Variants in C12orf42 observed in about 807,000 individuals in gnomAD.
The protein encoded by C12orf42 is chromosome 12 open reading frame 42.
In C12orf42, 25 loss-of-function variants were observed where a neutral mutation model predicts 21.6. The ratio of observed to expected loss-of-function variants is 1.16; its 90% CI spans 0.84 to 1.62. C12orf42 has a LOEUF of 1.62. Among genes scored for constraint, C12orf42 ranks in the 40% most tolerant of loss-of-function variants. The pLI is 0.00. For synonymous variants in C12orf42, 174 were observed against 175.0 expected, an observed-to-expected ratio of 0.99 and a Z score of 0.05; for missense variants, 483 against 459.3, an observed-to-expected ratio of 1.05 and a Z score of -0.47.
the C12orf42 span, among the ~76,000 whole-genome samples, chr12:103,053,160 A>G: frequency 1.3e-5 from 2 of 152,032 alleles, no homozygotes; most frequent in South Asian, 4.1e-4. Context: ...TTTAAATTTT[A>G]TATTTAATTT....
At chr12:103,559,298 C>T in the C12orf42 span, 1 of 116,274 alleles carries the variant, frequency 8.6e-6, no homozygotes, top group African/African-American at 2.6e-5. Flanking sequence ...TAGCACTTTA[C>T]TCAGGCAGTC....
the C12orf42 span, among the ~76,000 whole-genome samples, chr12:103,099,182 AT>A: frequency 5.3e-5 from 8 of 152,242 alleles, no homozygotes; most frequent in Non-Finnish European, 1.2e-4. Flanking sequence ...TGACCTGGAT[AT>A]TAAATGCTCC....
chr12:103,096,286 G>A, the C12orf42 span, among the ~76,000 whole-genome samples: 2 of 152,132 alleles, frequency 1.3e-5, no homozygotes, highest in Admixed American at 6.5e-5. Flanking sequence ...AATAATCATG[G>A]CTTTATAAGA....
chr12:103,111,465 A>C, the C12orf42 span, among the ~76,000 whole-genome samples: 1 of 152,210 alleles, frequency 6.6e-6, no homozygotes, highest in Non-Finnish European at 1.5e-5. Context: ...CATTGATTCG[A>C]TGAATATTAG....
chr12:103,444,624 T>C (rs766380159), intron 2 of C12orf42, among the ~76,000 whole-genome samples: 24 of 152,078 alleles, frequency 1.6e-4, no homozygotes, highest in Non-Finnish European at 2.9e-4. Context: ...CTCATGTTTG[T>C]CTAATTGATT....
chr12:103,555,252 TCA>T, the C12orf42 span, among the ~76,000 whole-genome samples: 2 of 152,128 alleles, frequency 1.3e-5, no homozygotes, highest in African/African-American at 4.8e-5. Flanking sequence ...TGGGGAGGCC[TCA>T]CAATCATGGT....
At chr12:103,352,554 AAACAGG>A (rs2137490739) in intron 4 of C12orf42, among the ~76,000 whole-genome samples, 1 of 152,236 alleles carries the variant, frequency 6.6e-6, no homozygotes, top group Admixed American at 6.5e-5. Flanking sequence ...CTGTGGGCTG[AAACAGG>A]AAATGATCTA....
chr12:103,375,045 G>A (rs954595084), intron 3 of C12orf42, among the ~76,000 whole-genome samples: 1 of 152,148 alleles, frequency 6.6e-6, no homozygotes, highest in Non-Finnish European at 1.5e-5. Flanking sequence ...TGCTGCCAAT[G>A]TAAGTAGTAA....
the C12orf42 span, among the ~76,000 whole-genome samples, chr12:103,531,036 A>G: frequency 1.3e-5 from 2 of 152,168 alleles, no homozygotes; most frequent in African/African-American, 4.8e-5. Context: ...ACATTGCCCA[A>G]CAATTCCAGG....
intron 3 of C12orf42, among the ~76,000 whole-genome samples, chr12:103,376,548 A>T (rs569491887): frequency 1.3e-5 from 2 of 152,292 alleles, no homozygotes; most frequent in East Asian, 3.9e-4. Flanking sequence ...CATTCTGTAC[A>T]TGTATCCCAG....
At chr12:103,248,627 G>A (rs1011070595) in intron 10 of C12orf42, among the ~76,000 whole-genome samples, 16 of 151,892 alleles carry the variant, frequency 1.1e-4, no homozygotes, top group African/African-American at 2.2e-4. Flanking sequence ...AGAAAATTCC[G>A]AAGAGTAAAG....
At chr12:103,270,510 A>ATTTATTTTTATT (rs201243040) in intron 5 of C12orf42, among the ~76,000 whole-genome samples, 1 of 150,800 alleles carries the variant, frequency 6.6e-6, no homozygotes, top group South Asian at 2.1e-4. Flanking sequence ...TCCCAAAGAT[A>ATTTATTTTTATT]TTTATTTTTA....
chr12:103,325,497 G>A (rs564837531), intron 4 of C12orf42, among the ~76,000 whole-genome samples: 12 of 152,298 alleles, frequency 7.9e-5, no homozygotes, highest in South Asian at 2.1e-4. Context: ...TAGCAAGTAC[G>A]GCTAAGCAAA....
intron 2 of C12orf42, among the ~76,000 whole-genome samples, chr12:103,444,552 A>G (rs1951458333): frequency 6.6e-6 from 1 of 152,076 alleles, no homozygotes; most frequent in African/African-American, 2.4e-5. Context: ...TTGTATTTGC[A>G]CACAGTCACA....
At chr12:103,549,685 T>C in the C12orf42 span, 2 of 152,220 alleles carry the variant, frequency 1.3e-5, no homozygotes, top group African/African-American at 4.8e-5. Flanking sequence ...CTGAACATGG[T>C]AGATCAATGT....
downstream of C12orf42, among the ~76,000 whole-genome samples, chr12:103,234,444 A>G (rs1482803708): frequency 6.6e-6 from 1 of 152,046 alleles, no homozygotes. Context: ...GGTTCTTAGT[A>G]TTACTGTTAT....
the C12orf42 span, among the ~76,000 whole-genome samples, chr12:103,100,547 T>C: frequency 2.0e-3 from 306 of 152,340 alleles, 2 homozygotes; most frequent in Non-Finnish European, 2.2e-3. Flanking sequence ...TGGGCTGCTA[T>C]AGGCCCAGAA....
At chr12:103,450,243 T>G (rs929012510) in intron 2 of C12orf42, among the ~76,000 whole-genome samples, 1 of 152,134 alleles carries the variant, frequency 6.6e-6, no homozygotes, top group Non-Finnish European at 1.5e-5. Flanking sequence ...AGATTTGTGT[T>G]TAGGATTTTT....
chr12:103,207,307 T>A, the C12orf42 span, among the ~76,000 whole-genome samples: 1 of 152,238 alleles, frequency 6.6e-6, no homozygotes, highest in Non-Finnish European at 1.5e-5. Flanking sequence ...CTATGCTGAC[T>A]GATACAGAGC....
Sources: allele counts gnomAD v4.1 joint callset (sites outside exome capture counted in the v4.1 genomes callset), GRCh38; gene constraint gnomAD v4.1.1; transcripts MANE v1.5; gene names NCBI Gene and HGNC (gene_info 2026-07-23, HGNC 2026-07-21).